MACROD2: variants seen among roughly 807,000 people sequenced by gnomAD.
MACROD2 encodes the protein ADP-ribose glycohydrolase MACROD2.
MACROD2 carries 36 observed loss-of-function variants against 70.4 expected under a neutral mutation model. That is an observed-to-expected ratio of 0.51 (90% CI 0.39 to 0.68). The LOEUF (loss-of-function observed/expected upper bound fraction) is 0.68, where lower values mean the gene tolerates loss of function less well. Among genes scored for constraint, MACROD2 ranks in the 30% least tolerant of loss-of-function variants. The probability of loss-of-function intolerance (pLI) is 0.00; values close to 1 mark genes in which losing one functional copy is unlikely to be tolerated. For synonymous variants in MACROD2, 172 were observed against 178.8 expected (o/e 0.96, Z 0.30); for missense variants, 496 against 538.4 (o/e 0.92, Z 0.78).
At chr20:14,336,521 T>C (rs2082940349) in intron 3 of MACROD2, among the ~76,000 whole-genome samples, 1 of 152,148 alleles carries the variant, frequency 6.6e-6, no homozygotes, top group South Asian at 2.1e-4. Context: ...ATAAATGCAT[T>C]TCTTCCAATA....
At chr20:15,661,715 A>G (rs2146817448) in intron 8 of MACROD2, among the ~76,000 whole-genome samples, 1 of 152,350 alleles carries the variant, frequency 6.6e-6, no homozygotes, top group South Asian at 2.1e-4. Flanking sequence ...CAGTACCCAC[A>G]TCAAAAAATT....
At chr20:15,312,330 A>C (rs1180400180) in intron 6 of MACROD2, among the ~76,000 whole-genome samples, 1 of 152,220 alleles carries the variant, frequency 6.6e-6, no homozygotes, top group Non-Finnish European at 1.5e-5. Flanking sequence ...TTGATTTTTA[A>C]AGTCCTTTTT....
At chr20:15,909,406 G>A (rs1002387371) in intron 10 of MACROD2, among the ~76,000 whole-genome samples, 3 of 151,460 alleles carry the variant, frequency 2.0e-5, no homozygotes, top group Non-Finnish European at 4.4e-5. Flanking sequence ...GAATGTCAAT[G>A]TCACATTGTA....
intron 3 of MACROD2, among the ~76,000 whole-genome samples, chr20:14,463,434 G>T (rs867898483): frequency 5.9e-5 from 9 of 152,010 alleles, no homozygotes; most frequent in Middle Eastern, 3.4e-3. Context: ...GGAGATTTTG[G>T]GCTGAGATGA....
chr20:15,199,928 G>A (rs925571291), intron 5 of MACROD2, among the ~76,000 whole-genome samples: 1 of 152,192 alleles, frequency 6.6e-6, no homozygotes, highest in Non-Finnish European at 1.5e-5. Flanking sequence ...ATTCAATAAT[G>A]AGGCAGAAGT....
chr20:15,078,942 G>A (rs1381748067), intron 5 of MACROD2, among the ~76,000 whole-genome samples: 1 of 151,920 alleles, frequency 6.6e-6, no homozygotes, highest in East Asian at 1.9e-4. Context: ...CACCATGCCT[G>A]GCCTCTTCCT....
intron 2 of MACROD2, among the ~76,000 whole-genome samples, chr20:14,075,292 T>G (rs1189122577): frequency 6.6e-6 from 1 of 152,248 alleles, no homozygotes; most frequent in African/African-American, 2.4e-5. Flanking sequence ...ACAGCCACTA[T>G]GAATGACAAA....
chr20:15,461,006 A>ATATATATATATATATATATATATATT, intron 7 of MACROD2, among the ~76,000 whole-genome samples: 12 of 66,996 alleles, frequency 1.8e-4, no homozygotes, highest in Non-Finnish European at 3.0e-4. Flanking sequence ...ATATATATAT[A>ATATATATATATATATATATATATATT]TTTTTTTTTA....
intron 8 of MACROD2, among the ~76,000 whole-genome samples, chr20:15,847,405 A>G (rs1346970046): frequency 6.6e-6 from 1 of 152,182 alleles, no homozygotes; most frequent in Non-Finnish European, 1.5e-5. Context: ...CTGCTGAAAG[A>G]TGGTTGGATA....
intron 7 of MACROD2, among the ~76,000 whole-genome samples, chr20:15,463,446 A>G (rs2046844380): frequency 6.6e-6 from 1 of 152,224 alleles, no homozygotes; most frequent in Admixed American, 6.5e-5. Context: ...TAATCTAAGA[A>G]GTCAGTTAAA....
At chr20:14,349,077 A>G (rs2083093357) in intron 3 of MACROD2, among the ~76,000 whole-genome samples, 1 of 152,100 alleles carries the variant, frequency 6.6e-6, no homozygotes, top group African/African-American at 2.4e-5. Context: ...CTAAATAAAT[A>G]AACAAACAAA....
intron 3 of MACROD2, among the ~76,000 whole-genome samples, chr20:14,122,669 C>T (rs1345624085): frequency 6.6e-6 from 1 of 152,132 alleles, no homozygotes; most frequent in Non-Finnish European, 1.5e-5. Flanking sequence ...TTCCAACAAA[C>T]TCTTTCTTTG....
chr20:15,312,188 T>C (rs1334801951), intron 6 of MACROD2, among the ~76,000 whole-genome samples: 2 of 152,228 alleles, frequency 1.3e-5, no homozygotes, highest in East Asian at 3.8e-4. Context: ...TAGGAATTTA[T>C]CCTATATACA....
At chr20:14,302,150 A>T (rs1223890099) in intron 3 of MACROD2, among the ~76,000 whole-genome samples, 1 of 152,146 alleles carries the variant, frequency 6.6e-6, no homozygotes. Context: ...ACAAGACTGA[A>T]ATCTAGATAT....
chr20:14,738,418 T>G (rs1434959477), intron 5 of MACROD2, among the ~76,000 whole-genome samples: 1 of 152,098 alleles, frequency 6.6e-6, no homozygotes, highest in Non-Finnish European at 1.5e-5. Context: ...CTTCAATGTC[T>G]CCTACCCTAT....
intron 6 of MACROD2, among the ~76,000 whole-genome samples, chr20:15,236,300 G>A (rs765242815): frequency 4.6e-5 from 7 of 152,150 alleles, no homozygotes; most frequent in South Asian, 4.1e-4. Context: ...CAGCAGAGTC[G>A]AGGAGGAGGG....
intron 5 of MACROD2, among the ~76,000 whole-genome samples, chr20:15,228,224 C>T (rs1046880887): frequency 6.6e-6 from 1 of 152,004 alleles, no homozygotes; most frequent in African/African-American, 2.4e-5. Flanking sequence ...CCCATTTATC[C>T]TTCACTTCTA....
intron 5 of MACROD2, among the ~76,000 whole-genome samples, chr20:15,089,789 G>A (rs2075779508): frequency 6.6e-6 from 1 of 151,976 alleles, no homozygotes; most frequent in African/African-American, 2.4e-5. Flanking sequence ...CAAGAGGATT[G>A]AGAGACTTAG....
chr20:14,014,857 A>G (rs984732365), intron 2 of MACROD2, among the ~76,000 whole-genome samples: 25 of 151,724 alleles, frequency 1.6e-4, no homozygotes, highest in Admixed American at 1.4e-3. Flanking sequence ...CTGGAGTGCA[A>G]TGGTGCAATC....
Sources: allele counts gnomAD v4.1 joint callset (sites outside exome capture counted in the v4.1 genomes callset), GRCh38; gene constraint gnomAD v4.1.1; transcripts MANE v1.5; gene names NCBI Gene and HGNC (gene_info 2026-07-23, HGNC 2026-07-21).